The following KIF26B variants were observed in gnomAD, a reference collection of about 807,000 sequenced individuals.
KIF26B encodes the protein kinesin family member 26B, also known as kinesin-like protein KIF26B.
A neutral mutation model predicts 151.2 loss-of-function variants in KIF26B; 63 were observed. The observed-to-expected ratio is 0.42, with a 90% CI of 0.34 to 0.51. The LOEUF (loss-of-function observed/expected upper bound fraction) is 0.51. KIF26B is among the 20% of genes least tolerant of loss of function. KIF26B has a pLI of 0.07. For missense variants in KIF26B, 2,813 were observed against 2,913.6 expected (o/e 0.97, Z 0.79); for synonymous variants, 1,357 against 1,262.1 (o/e 1.08, Z -1.59).
intron 5 of KIF26B, among the ~76,000 whole-genome samples, chr1:245,567,412 G>A (rs114636329): frequency 6.6e-6 from 1 of 152,240 alleles, no homozygotes; most frequent in Non-Finnish European, 1.5e-5. Flanking sequence ...TTCCCAAACA[G>A]TGGGCAACTT....
intron 2 of KIF26B, among the ~76,000 whole-genome samples, chr1:245,226,710 G>A (rs1320219165): frequency 2.0e-5 from 3 of 152,112 alleles, no homozygotes; most frequent in East Asian, 3.9e-4. Context: ...TGATCCACCC[G>A]CCTCGGCCTC....
In KIF26B at chr1:245,688,093, C is replaced by G; in HGVS notation, c.5110C>G (p.Pro1704Ala). Residue 1704 changes from proline (P) to alanine (A), a missense_variant, in exon 12 of 15, where the codon CCC (proline) becomes GCC (alanine). Around this residue, in one of 3 missense-constraint regions of KIF26B, gnomAD observed 2,060 missense variants for 2,088.6 expected, o/e 0.99. Transcript: ENST00000407071. Reference sequence around the variant, plus strand: ...GCACGCGGGCAAGGACGGCACCATGCCCCGCGCGGGGAGGAGCCTGGGCCG... The same window carrying G: ...GCACGCGGGCAAGGACGGCACCATGGCCCGCGCGGGGAGGAGCCTGGGCCG... ...RLHAGKDGTM[P>A]RAGRSLGRSA... is the part of the protein sequence containing the mutation. 5 of 1,553,790 alleles carry G rather than the reference C, an allele frequency of 3.2e-6. No homozygotes were observed. Among genetic ancestry groups the G allele is most frequent in the Non-Finnish European group, 4.3e-6 (5 of 1,151,256 alleles).
At chr1:245,293,640 G>T (rs10754451) in intron 2 of KIF26B, among the ~76,000 whole-genome samples, 71,427 of 149,826 alleles carry the variant, frequency 0.48, 17,378 homozygotes, top group East Asian at 0.66. Context: ...GTGCAATGGC[G>T]CAATCTCCAC....
intron 4 of KIF26B, among the ~76,000 whole-genome samples, chr1:245,506,618 G>A (rs1275902289): frequency 6.6e-6 from 1 of 152,064 alleles, no homozygotes; most frequent in African/African-American, 2.4e-5. Context: ...GGGGTCTATG[G>A]GATCATCAGA....
intron 2 of KIF26B, among the ~76,000 whole-genome samples, chr1:245,273,441 AC>A (rs1165957082): frequency 4.8e-4 from 65 of 136,594 alleles, no homozygotes; most frequent in South Asian, 7.0e-4. Flanking sequence ...AAAAAAAAAA[AC>A]CCCAAAAAAC....
chr1:245,315,348 T>G (rs1450041248), intron 2 of KIF26B, among the ~76,000 whole-genome samples: 2 of 152,062 alleles, frequency 1.3e-5, no homozygotes, highest in African/African-American at 4.8e-5. Flanking sequence ...AGACCCACAC[T>G]TCAAAATGGT....
rs1660757214 is a variant in KIF26B at position 245,507,951 on chromosome 1, G to T, written c.1167-32816G>T. Among the ~76,000 whole-genome samples, 3 of 152,064 alleles carry T rather than the reference G, an allele frequency of 2.0e-5. No homozygotes were observed. In the South Asian group the frequency reaches 6.2e-4, roughly 32 times the overall value. ...GTTTAGTGACCATTTTCATACATTG[G>T]GGCTTAATGTGGTGCAGTGGAAAGT... On this transcript the variant is annotated intron_variant, in intron 4 of 14. Coordinates refer to ENST00000407071, the MANE Select transcript of KIF26B (RefSeq NM_018012.4).
At chr1:245,589,955 T>C (rs1464318201) in intron 5 of KIF26B, among the ~76,000 whole-genome samples, 1 of 152,236 alleles carries the variant, frequency 6.6e-6, no homozygotes, top group African/African-American at 2.4e-5. Context: ...TGGGTCCTGT[T>C]GTTCTCCAAG....
intron 9 of KIF26B, among the ~76,000 whole-genome samples, chr1:245,614,409 G>A (rs1011846546): frequency 2.0e-5 from 3 of 152,142 alleles, no homozygotes; most frequent in East Asian, 3.9e-4. Context: ...TCCTGACCTC[G>A]TGATCCACCC....
At chr1:245,421,849 G>A (rs1012940818) in intron 4 of KIF26B, among the ~76,000 whole-genome samples, 2 of 152,144 alleles carry the variant, frequency 1.3e-5, no homozygotes, top group African/African-American at 4.8e-5. Flanking sequence ...CATAGTACTG[G>A]ACAAGGTGTG....
At chr1:245,541,280 C>A (rs1442232445) in intron 5 of KIF26B, among the ~76,000 whole-genome samples, 2 of 152,170 alleles carry the variant, frequency 1.3e-5, no homozygotes, top group African/African-American at 2.4e-5. Flanking sequence ...GAGGCCACAG[C>A]ACAAGGTACA....
rs1238631514 is a variant in KIF26B at position 245,155,505 on chromosome 1, G to A, written c.63+18G>A. On this transcript the variant is annotated intron_variant, in intron 1 of 14. Transcript: ENST00000407071. Reference sequence around the variant, plus strand: ...AATACGGGGTAAGTTGTGACGGTACGACGCGGAGACGCGTTACCAGACCCA... The same window carrying A: ...AATACGGGGTAAGTTGTGACGGTACAACGCGGAGACGCGTTACCAGACCCA... 5.0e-6 allele frequency: 8 copies of A among 1,596,562 alleles called. No homozygotes were observed. The highest frequency in any genetic ancestry group is 2.2e-5 in the East Asian group (1 of 44,490).
intron 2 of KIF26B, among the ~76,000 whole-genome samples, chr1:245,268,883 C>T (rs1222658454): frequency 1.3e-5 from 2 of 152,186 alleles, no homozygotes; most frequent in Non-Finnish European, 2.9e-5. Context: ...TCTGAGCAAA[C>T]TGGGATGCTT....
chr1:245,633,304 C>A (rs2043801333), intron 9 of KIF26B, among the ~76,000 whole-genome samples: 2 of 148,802 alleles, frequency 1.3e-5, no homozygotes, highest in Admixed American at 6.7e-5. Flanking sequence ...TAAATAAATC[C>A]ATTCATCTTG....
chr1:245,639,744 T>C (rs1469330345), intron 9 of KIF26B, among the ~76,000 whole-genome samples: 1 of 152,000 alleles, frequency 6.6e-6, no homozygotes, highest in Non-Finnish European at 1.5e-5. Flanking sequence ...CAGGAGCATG[T>C]TATTCAATTT....
At position 245,244,678 on chromosome 1, in the gene KIF26B, T is replaced by C. The variant is rs2103561694; in HGVS notation, c.465+87995T>C. ...TTCTCTGTCCTCTCTCTTCATACTG[T>C]TGTCTTAGGTGTTCCTTGTAACCAG... On this transcript the variant is annotated intron_variant, in intron 2 of 14. Transcript: ENST00000407071. The surrounding 1 kb of genome is among the most constrained non-coding windows in gnomAD (Gnocchi z 4.2). Among the ~76,000 whole-genome samples the C allele has an allele frequency of 6.6e-6, 1 of 152,124 alleles. No homozygotes were observed. Among genetic ancestry groups the C allele is most frequent in the East Asian group, 1.9e-4 (1 of 5,170 alleles).
At chr1:245,178,262 A>C (rs1668844253) in intron 2 of KIF26B, among the ~76,000 whole-genome samples, 1 of 152,196 alleles carries the variant, frequency 6.6e-6, no homozygotes, top group Non-Finnish European at 1.5e-5. Flanking sequence ...GCTTTCAAGC[A>C]CAACCGTATA....
chr1:245,250,003 A>C (rs543543678), intron 2 of KIF26B, among the ~76,000 whole-genome samples: 1 of 152,216 alleles, frequency 6.6e-6, no homozygotes, highest in African/African-American at 2.4e-5. Context: ...AAATTTTAAA[A>C]ATTATGAAAC....
At chr1:245,162,553 T>G (rs1668550590) in intron 2 of KIF26B, among the ~76,000 whole-genome samples, 1 of 151,944 alleles carries the variant, frequency 6.6e-6, no homozygotes, top group Admixed American at 6.6e-5. Flanking sequence ...GCCCAGCTAA[T>G]TTTTGTATTT....
Sources: gnomAD v4.1 joint callset for allele counts (sites outside exome capture counted in the v4.1 genomes callset) on GRCh38, gnomAD v4.1.1 for gene constraint, gnomAD v4.1.1 regional missense constraint, Gnocchi (gnomAD v3.1) non-coding constraint, MANE v1.5 for transcripts, NCBI Gene and HGNC (gene_info 2026-07-23, HGNC 2026-07-21) for gene names.